The following PPP3CC variants were observed in gnomAD, a reference collection of about 807,000 sequenced individuals.
PPP3CC encodes serine/threonine-protein phosphatase 2B catalytic subunit gamma isoform.
In PPP3CC, 35 loss-of-function variants were observed where a neutral mutation model predicts 60.3. The ratio of observed to expected loss-of-function variants is 0.58; its 90% CI spans 0.44 to 0.77. The LOEUF (loss-of-function observed/expected upper bound fraction) is 0.77, where lower values mean the gene tolerates loss of function less well. Among genes scored for constraint, PPP3CC ranks in the 30% least tolerant of loss-of-function variants. The pLI is 0.00. For synonymous variants in PPP3CC, 206 were observed against 224.3 expected (o/e 0.92, Z 0.73); for missense variants, 570 against 628.9 (o/e 0.91, Z 1.00).
intron 4 of PPP3CC, among the ~76,000 whole-genome samples, chr8:22,504,324 C>G (rs559584002): frequency 2.6e-5 from 4 of 152,096 alleles, no homozygotes; most frequent in African/African-American, 9.6e-5. Context: ...TTTTAAGAGA[C>G]AGGGTCTCAT....
chr8:22,504,124 T>C (rs1434069635), intron 4 of PPP3CC, among the ~76,000 whole-genome samples: 1 of 152,210 alleles, frequency 6.6e-6, no homozygotes, highest in Non-Finnish European at 1.5e-5. Context: ...AAAATATTCC[T>C]TTCTTTATGG....
intron 3 of PPP3CC, among the ~76,000 whole-genome samples, chr8:22,481,379 A>AATAATAATAATG (rs1359865154): frequency 6.8e-6 from 1 of 147,586 alleles, no homozygotes; most frequent in African/African-American, 2.5e-5. Flanking sequence ...TAATAATAAT[A>AATAATAATAATG]ATGATAATAT....
At chr8:22,478,339 A>G (rs143892013) in intron 3 of PPP3CC, among the ~76,000 whole-genome samples, 2,103 of 151,212 alleles carry the variant, frequency 0.014, 23 homozygotes, top group Non-Finnish European at 0.02. Context: ...TTTAGTAGAG[A>G]TGGGGTTTCA....
chr8:22,494,326 T>A (rs1281600047), intron 3 of PPP3CC, among the ~76,000 whole-genome samples: 1 of 152,138 alleles, frequency 6.6e-6, no homozygotes, highest in Non-Finnish European at 1.5e-5. Flanking sequence ...AAACCCCTGA[T>A]AAACCCATCA....
At chr8:22,491,259 G>A (rs1563734260) in intron 3 of PPP3CC, among the ~76,000 whole-genome samples, 1 of 152,150 alleles carries the variant, frequency 6.6e-6, no homozygotes, top group Non-Finnish European at 1.5e-5. Flanking sequence ...TTGCCAGATG[G>A]CTCTTCAGAA....
In PPP3CC at chr8:22,525,377, T is replaced by C. The variant is rs147460571; in HGVS notation, c.944-2015T>C. 1.9e-3 allele frequency among the ~76,000 whole-genome samples: 284 copies of C among 152,238 alleles called. 1 individual carries two copies. Among genetic ancestry groups the C allele is most frequent in the Middle Eastern group, 3.4e-3 (1 of 294 alleles). Reference sequence around the variant, plus strand: ...TTTTCTGAAAAAGGGAACTCTATTATTCTTTTTCTTCTTCCTTTTCTTCTA... The same window carrying C: ...TTTTCTGAAAAAGGGAACTCTATTACTCTTTTTCTTCTTCCTTTTCTTCTA... On this transcript the variant is annotated intron_variant, in intron 8 of 13. Coordinates refer to ENST00000240139, the MANE Select transcript of PPP3CC (RefSeq NM_005605.5).
chr8:22,464,510 G>C (rs537713210), intron 1 of PPP3CC, among the ~76,000 whole-genome samples: 2 of 152,256 alleles, frequency 1.3e-5, no homozygotes, highest in South Asian at 4.1e-4. Flanking sequence ...CTCCTGAGCA[G>C]CTGGGACTAT....
At chr8:22,486,791 A>G (rs757052793) in intron 3 of PPP3CC, among the ~76,000 whole-genome samples, 4 of 148,308 alleles carry the variant, frequency 2.7e-5, no homozygotes, top group Non-Finnish European at 5.9e-5. Flanking sequence ...GTACAGTGGC[A>G]CCATCTCGGC....
intron 1 of PPP3CC, among the ~76,000 whole-genome samples, chr8:22,455,927 A>T (rs1837182376): frequency 6.6e-6 from 1 of 152,254 alleles, no homozygotes; most frequent in South Asian, 2.1e-4. Context: ...CAGATCATGG[A>T]ACTAAAGTCA....
At chr8:22,448,827 A>T (rs925669603) in intron 1 of PPP3CC, among the ~76,000 whole-genome samples, 1 of 152,226 alleles carries the variant, frequency 6.6e-6, no homozygotes, top group Non-Finnish European at 1.5e-5. Context: ...TCAAAAAAAA[A>T]TCATTTGTAG....
intron 12 of PPP3CC, among the ~76,000 whole-genome samples, chr8:22,536,610 T>A (rs1199643492): frequency 1.3e-5 from 2 of 152,366 alleles, no homozygotes; most frequent in African/African-American, 4.8e-5. Context: ...CCAAAGTTGA[T>A]AGAAATCTTC....
intron 3 of PPP3CC, among the ~76,000 whole-genome samples, chr8:22,477,305 C>T (rs1434314096): frequency 6.6e-6 from 1 of 151,986 alleles, no homozygotes; most frequent in Non-Finnish European, 1.5e-5. Flanking sequence ...GGTGAAACCC[C>T]ATCTCTACTA....
rs113710456 is a variant in PPP3CC at position 22,519,837 on chromosome 8, G to A, written c.771-2654G>A. 8.2e-3 allele frequency among the ~76,000 whole-genome samples: 1,250 copies of A among 152,158 alleles called. 17 individuals are homozygous for A. The highest frequency in any genetic ancestry group is 0.026 in the African/African-American group (1,095 of 41,500). ...ACCTGGCTAATTTTTTATATTTTTA[G>A]TAGAGATGGGGTTTCACCATGTTGG... On this transcript the variant is annotated intron_variant, in intron 6 of 13. Coordinates refer to ENST00000240139, the MANE Select transcript of PPP3CC (RefSeq NM_005605.5).
chr8:22,478,394 C>T (rs190528557), intron 3 of PPP3CC, among the ~76,000 whole-genome samples: 1 of 152,304 alleles, frequency 6.6e-6, no homozygotes, highest in Admixed American at 6.5e-5. Context: ...TCGTTATCCA[C>T]CCACCTTGGC....
intron 11 of PPP3CC, 24 bp from the exon 12 acceptor site, chr8:22,532,897 C>T: frequency 6.6e-7 from 1 of 1,509,832 alleles, no homozygotes; most frequent in African/African-American, 1.4e-5. Flanking sequence ...GGGCATTAAC[C>T]CAGGGTTTGG....
At chr8:22,519,406 G>A (rs1839343789) in intron 6 of PPP3CC, among the ~76,000 whole-genome samples, 1 of 152,074 alleles carries the variant, frequency 6.6e-6, no homozygotes, top group African/African-American at 2.4e-5. Context: ...CATTTTGTTG[G>A]TTGCTTTCTG....
intron 5 of PPP3CC, 33 bp downstream of exon 5, chr8:22,511,264 A>G (rs763220640): frequency 6.3e-7 from 1 of 1,591,228 alleles, no homozygotes; most frequent in South Asian, 1.1e-5. Flanking sequence ...CACAGGGAAT[A>G]TTTTTAAAAT....
intron 3 of PPP3CC, among the ~76,000 whole-genome samples, chr8:22,495,699 C>T (rs1838555952): frequency 1.3e-5 from 2 of 152,084 alleles, no homozygotes; most frequent in Admixed American, 1.3e-4. Context: ...GCTGGGATTA[C>T]AGGCACCTGC....
intron 1 of PPP3CC, among the ~76,000 whole-genome samples, chr8:22,465,546 AT>A (rs2132453152): frequency 6.6e-6 from 1 of 152,278 alleles, no homozygotes; most frequent in African/African-American, 2.4e-5. Context: ...GAATGCATTA[AT>A]GTTGATTATA....
Sources: allele counts gnomAD v4.1 joint callset (sites outside exome capture counted in the v4.1 genomes callset), GRCh38; gene constraint gnomAD v4.1.1; transcripts MANE v1.5; gene names NCBI Gene and HGNC (gene_info 2026-07-23, HGNC 2026-07-21).